WNT3: variants seen among roughly 807,000 people sequenced by gnomAD.
WNT3 encodes the protein Wnt family member 3, also known as proto-oncogene Wnt-3.
A neutral mutation model predicts 34.2 loss-of-function variants in WNT3; 7 were observed. The observed-to-expected ratio is 0.20, with a 90% confidence interval of 0.12 to 0.38. The LOEUF is 0.38. Ranked by LOEUF, WNT3 falls within the 10% of genes least tolerant of loss-of-function variation. The pLI, the probability that WNT3 is intolerant of heterozygous loss-of-function variation, is 1.00. For synonymous variants in WNT3, 212 were observed against 211.5 expected (o/e 1.00, Z -0.02); for missense variants, 267 against 499.8 (o/e 0.53, Z 4.44).
At chr17:46,806,357 G>A (rs1297184261) in intron 1 of WNT3, among the ~76,000 whole-genome samples, 1 of 151,806 alleles carries the variant, frequency 6.6e-6, no homozygotes, top group African/African-American at 2.4e-5. Context: ...TTACAGGCAC[G>A]TGCCACCACG....
intron 1 of WNT3, among the ~76,000 whole-genome samples, chr17:46,798,831 C>T (rs1216082852): frequency 6.6e-6 from 1 of 152,064 alleles, no homozygotes; most frequent in East Asian, 1.9e-4. Flanking sequence ...GGGTGGATCA[C>T]GAGGTCAGGA....
intron 1 of WNT3, among the ~76,000 whole-genome samples, chr17:46,816,471 A>ACATG (rs1555689344): frequency 2.5e-5 from 2 of 78,926 alleles, no homozygotes; most frequent in Non-Finnish European, 4.5e-5. Context: ...GACCCAGAAC[A>ACATG]CACGCACACA....
At chr17:46,801,399 C>T (rs565466390) in intron 1 of WNT3, among the ~76,000 whole-genome samples, 2 of 151,688 alleles carry the variant, frequency 1.3e-5, no homozygotes, top group Non-Finnish European at 2.9e-5. Flanking sequence ...GTGGGCACAT[C>T]ACCTGAGGTC....
intron 1 of WNT3, among the ~76,000 whole-genome samples, chr17:46,811,224 C>T (rs1024025616): frequency 5.9e-5 from 6 of 102,136 alleles, no homozygotes; most frequent in South Asian, 2.4e-4. Context: ...TTCACGGCTG[C>T]GATGCAGGGA....
chr17:46,779,053 T>TCACTCACACACACA (rs1555683627), intron 1 of WNT3, among the ~76,000 whole-genome samples: 4 of 100,612 alleles, frequency 4.0e-5, no homozygotes, highest in Admixed American at 2.4e-4. Flanking sequence ...CCCTACCCCA[T>TCACTCACACACACA]CACACACACA....
intron 1 of WNT3, among the ~76,000 whole-genome samples, chr17:46,796,734 G>C (rs535035084): frequency 6.6e-6 from 1 of 152,334 alleles, no homozygotes; most frequent in South Asian, 2.1e-4. Flanking sequence ...AGCGGTGCCT[G>C]ATCAGTCCCT....
At chr17:46,775,255 G>C (rs1325877486) in intron 1 of WNT3, among the ~76,000 whole-genome samples, 1 of 152,244 alleles carries the variant, frequency 6.6e-6, no homozygotes, top group Non-Finnish European at 1.5e-5. Context: ...GAGGTTTAGA[G>C]AGTGAATTAG....
chr17:46,787,779 C>T (rs368776168), intron 1 of WNT3, among the ~76,000 whole-genome samples: 64 of 152,258 alleles, frequency 4.2e-4, no homozygotes, highest in African/African-American at 1.3e-3. Flanking sequence ...CATGGCGAAA[C>T]GCCTGTCTCT....
chr17:46,801,571 GA>G (rs2084125751), intron 1 of WNT3, among the ~76,000 whole-genome samples: 15 of 124,156 alleles, frequency 1.2e-4, no homozygotes, highest in Admixed American at 1.2e-3. Flanking sequence ...AGTGAGCTGT[GA>G]TTGCGCCATT....
At position 46,773,872 on chromosome 17, in the gene WNT3, AGCCCAGAGATGTGTACTGCTG is replaced by A; in HGVS notation, c.97_117del (p.Gln33_Gly39del). On this transcript the variant is annotated inframe_deletion, in exon 2 of 5. Coordinates refer to ENST00000225512, the MANE Select transcript of WNT3 (RefSeq NM_030753.5). ...ATGGAGCCGCAGAGCAGGGGCTGTG[AGCCCAGAGATGTGTACTGCTG>A]GCCCAGGGCCAGGGACCTGCAGGCA... 1 of 1,612,684 alleles carries A rather than the reference AGCCCAGAGATGTGTACTGCTG, an allele frequency of 6.2e-7. No individual in the cohort carries two copies. Among genetic ancestry groups the A allele is most frequent in the South Asian group, 1.1e-5 (1 of 91,032 alleles).
At chr17:46,813,116 T>C (rs2084297888) in intron 1 of WNT3, among the ~76,000 whole-genome samples, 1 of 151,894 alleles carries the variant, frequency 6.6e-6, no homozygotes, top group South Asian at 2.1e-4. Flanking sequence ...CTCTTTGCGA[T>C]TTAGGTCAGA....
intron 1 of WNT3, among the ~76,000 whole-genome samples, chr17:46,812,416 T>C (rs898254994): frequency 2.0e-5 from 3 of 152,188 alleles, no homozygotes; most frequent in Admixed American, 2.0e-4. Flanking sequence ...AATCACCTTC[T>C]GAATCATCTC....
chr17:46,788,615 A>T (rs1009376381), intron 1 of WNT3, among the ~76,000 whole-genome samples: 2 of 152,138 alleles, frequency 1.3e-5, no homozygotes. Flanking sequence ...GTCACAGGTA[A>T]CCTTCAATGC....
chr17:46,812,043 G>C (rs1165596809), intron 1 of WNT3, among the ~76,000 whole-genome samples: 1 of 152,168 alleles, frequency 6.6e-6, no homozygotes, highest in Non-Finnish European at 1.5e-5. Context: ...GAGACCCAGT[G>C]CTCCTTCCCA....
At chr17:46,797,503 G>A (rs1196196713) in intron 1 of WNT3, among the ~76,000 whole-genome samples, 7 of 152,238 alleles carry the variant, frequency 4.6e-5, no homozygotes, top group African/African-American at 1.2e-4. Context: ...TGCCTCGGGC[G>A]GGAAGAAGGG....
At position 46,768,239 on chromosome 17, in the gene WNT3, A is replaced by C. The variant is rs2059331934; in HGVS notation, c.*8+73T>G. The stretch of plus-strand genomic sequence containing the variant: ...TAGAAACAGAAGGGGGTCGTCAAGA[A>C]GACGAGATGGGCAAACAACCCCATT... On this transcript the variant is annotated intron_variant, in intron 4 of 4. Coordinates refer to ENST00000225512, the MANE Select transcript of WNT3 (RefSeq NM_030753.5). The surrounding 1 kb of genome is among the most constrained non-coding windows in gnomAD (Gnocchi z 5.0). 5 of 1,597,460 alleles carry C rather than the reference A, an allele frequency of 3.1e-6. No homozygotes were observed. Among genetic ancestry groups the C allele is most frequent in the South Asian group, 2.2e-5 (2 of 90,230 alleles).
At chr17:46,793,538 G>A (rs175244) in intron 1 of WNT3, among the ~76,000 whole-genome samples, 2 of 152,128 alleles carry the variant, frequency 1.3e-5, no homozygotes, top group African/African-American at 2.4e-5. Flanking sequence ...CTGGACCCAC[G>A]CCCAAGGCAT....
At chr17:46,814,401 A>T (rs77768380) in intron 1 of WNT3, among the ~76,000 whole-genome samples, 19,126 of 152,092 alleles carry the variant, frequency 0.13, 1,274 homozygotes, top group Non-Finnish European at 0.14. Context: ...TCGGCCACCA[A>T]TTTTGCTCCC....
chr17:46,787,325 T>C (rs1479587653), intron 1 of WNT3, among the ~76,000 whole-genome samples: 1 of 151,892 alleles, frequency 6.6e-6, no homozygotes, highest in African/African-American at 2.4e-5. Flanking sequence ...ACAATAGGAG[T>C]GTCCTGGAAG....
Sources: allele counts gnomAD v4.1 joint callset (sites outside exome capture counted in the v4.1 genomes callset), GRCh38; gene constraint gnomAD v4.1.1; non-coding constraint Gnocchi (gnomAD v3.1); transcripts MANE v1.5; gene names NCBI Gene and HGNC (gene_info 2026-07-23, HGNC 2026-07-21).